The following NCAN variants were observed in gnomAD, a reference collection of about 807,000 sequenced individuals.
The protein encoded by NCAN is neurocan core protein.
Under a neutral mutation model 121.8 loss-of-function variants are expected in NCAN, and 47 were observed. The observed-to-expected ratio is 0.39, with a 90% confidence interval of 0.31 to 0.49. The LOEUF is 0.49. NCAN is among the 20% of genes least tolerant of loss of function. The pLI, the probability that NCAN is intolerant of heterozygous loss-of-function variation, is 0.92. For synonymous variants in NCAN, 633 were observed against 702.0 expected (o/e 0.90, Z 1.55); for missense variants, 1,517 against 1,773.4 (o/e 0.86, Z 2.60).
Position 19,249,937 on chromosome 19 carries a change from A to C in NCAN, c.*26A>C. ...AGAACCAGAAAAAAGAAAGCACAAC[A>C]CCTTTCCCATGCCTCCTCTGGAGCC... is the stretch of plus-strand genomic sequence containing the variant. On this transcript the variant is annotated 3_prime_UTR_variant, in exon 15 of 15. Coordinates refer to ENST00000252575, the MANE Select transcript of NCAN (RefSeq NM_004386.3). 1 of 1,598,182 alleles carries C rather than the reference A, an allele frequency of 6.3e-7. No homozygotes were observed. Among genetic ancestry groups the C allele is most frequent in the Non-Finnish European group, 8.5e-7 (1 of 1,171,666 alleles).
rs1446926917 is a variant in NCAN, at chr19:19,225,155, G to A, written c.957G>A (p.Gln319=). 15 of 1,530,898 alleles carry A rather than the reference G, an allele frequency of 9.8e-6. No individual in the cohort carries two copies. The Admixed American group carries it at 2.8e-4, about 29-fold the overall frequency. The allele number at this position is 1,530,898 out of a possible 1,614,324, so 94.8% of individuals were successfully genotyped here. A position where few individuals can be genotyped will look rare whatever the true frequency, so the allele number is the denominator to read the frequency against. Residue 319 remains glutamine (Q), a synonymous_variant, in exon 6 of 15, where the codon CAG becomes CAA. Transcript: ENST00000252575. This position sits in a 1 kb window ranked among gnomAD's most constrained non-coding sequence, Gnocchi z 4.0. Reference sequence around the variant, plus strand: ...ACGGCAGCGTGCGCTACCCGATCCAGACGCCGCGCCGGCGCTGCGGGGGCC... The same window carrying A: ...ACGGCAGCGTGCGCTACCCGATCCAAACGCCGCGCCGGCGCTGCGGGGGCC... ...LADGSVRYPI[Q]TPRRRCGGPA... is the part of the protein sequence containing the mutation.
Position 19,226,626 on chromosome 19 carries a change from C to CA in NCAN, c.1214dup (p.Glu406GlyfsTer51). On this transcript the variant is annotated frameshift_variant, in exon 7 of 15. Transcript: ENST00000252575. LOFTEE classifies it high-confidence loss of function. ...GGAAGAGGTGGTCACCCCTGACTTC[C>CA]AGGAGCCTCTGGTGTCCAGTGGGGA... is the stretch of plus-strand genomic sequence containing the variant. The CA allele has an allele frequency of 6.2e-7, 1 of 1,613,920 alleles. No homozygotes were observed. Among genetic ancestry groups the CA allele is most frequent in the African/African-American group, 1.3e-5 (1 of 75,032 alleles).
chr19:19,224,292 C>G lies in NCAN; in HGVS notation c.651-14C>G, dbSNP rs1275115743. On this transcript the variant is annotated splice_polypyrimidine_tract_variant and intron_variant, in intron 4 of 14. Transcript: ENST00000252575. ...AGCACACATCTGAGAGGGACCCTCC[C>G]CTTGTGTTGTCAGGTATCCTATCAC... 1.9e-6 allele frequency: 3 copies of G among 1,610,638 alleles called. No homozygotes were observed. Among genetic ancestry groups the G allele is most frequent in the Non-Finnish European group, 1.7e-6 (2 of 1,177,360 alleles).
In NCAN at chr19:19,249,931, C is replaced by T. The variant is rs1568605118; in HGVS notation, c.*20C>T. 2.5e-6 allele frequency: 4 copies of T among 1,605,786 alleles called. No individual in the cohort carries two copies. The highest frequency in any genetic ancestry group is 2.2e-5 in the South Asian group (2 of 90,054). On this transcript the variant is annotated 3_prime_UTR_variant, in exon 15 of 15. Coordinates refer to ENST00000252575, the MANE Select transcript of NCAN (RefSeq NM_004386.3). Reference sequence around the variant, plus strand: ...TGCTGAAGAACCAGAAAAAAGAAAGCACAACACCTTTCCCATGCCTCCTCT... The same window carrying T: ...TGCTGAAGAACCAGAAAAAAGAAAGTACAACACCTTTCCCATGCCTCCTCT...
chr19:19,217,958 GC>G (rs1405597717), intron 2 of NCAN, among the ~76,000 whole-genome samples: 1 of 152,054 alleles, frequency 6.6e-6, no homozygotes, highest in Non-Finnish European at 1.5e-5. Flanking sequence ...CTCCACTCCA[GC>G]CTGGGTGACA....
chr19:19,248,539 C>T (rs968085159), intron 13 of NCAN, among the ~76,000 whole-genome samples, 161 bp from the exon 14 acceptor site: 12 of 152,130 alleles, frequency 7.9e-5, no homozygotes, highest in African/African-American at 2.9e-4. Flanking sequence ...GCAGGAGAAT[C>T]GCTTGAACCA....
chr19:19,220,801 A>G (rs545983635), intron 3 of NCAN, among the ~76,000 whole-genome samples: 4 of 152,206 alleles, frequency 2.6e-5, no homozygotes, highest in East Asian at 3.9e-4. Context: ...TGCGTGTGGT[A>G]GTGCACACCT....
At chr19:19,232,343 GTC>G (rs2146547416) in intron 8 of NCAN, among the ~76,000 whole-genome samples, 1 of 152,368 alleles carries the variant, frequency 6.6e-6, no homozygotes, top group South Asian at 2.1e-4. Flanking sequence ...GAGTGACTGA[GTC>G]ACCGCCAGTC....
chr19:19,220,447 A>ATTTTTTTTTTTTTTTTTTTTT (rs1343151998), intron 3 of NCAN, among the ~76,000 whole-genome samples: 1 of 108,730 alleles, frequency 9.2e-6, no homozygotes, highest in Non-Finnish European at 1.9e-5. Context: ...TGTTTAGGCA[A>ATTTTTTTTTTTTTTTTTTTTT]TTCTTTTTTT....
Position 19,235,014 on chromosome 19 carries a change from G to A in NCAN, c.3168G>A (p.Glu1056=), listed in dbSNP as rs749481163. ...ATGACTGCCTCTGCAGCCCCTGTGA[G>A]AATGGAGGCACCTGTATTGATGAGG... ...DIDDCLCSPC[E]NGGTCIDEVN... is the part of the protein sequence containing the mutation. The change falls in exon 10 of 15, where the codon GAG becomes GAA. Residue 1056 remains glutamate, a synonymous_variant. Coordinates refer to ENST00000252575, the MANE Select transcript of NCAN (RefSeq NM_004386.3). 1.2e-6 allele frequency: 2 copies of A among 1,612,174 alleles called. No individual in the cohort carries two copies. Among genetic ancestry groups the A allele is most frequent in the Non-Finnish European group, 1.7e-6 (2 of 1,178,628 alleles).
At chr19:19,249,053 G>T (rs2060936666) in intron 14 of NCAN, 171 bp downstream of exon 14, 1 of 402,346 alleles carries the variant, frequency 2.5e-6, no homozygotes, top group Non-Finnish European at 4.2e-6. Context: ...ATTTGTGTGT[G>T]TGTGTGTGTG....
chr19:19,213,156 G>T (rs1185533706), intron 1 of NCAN, among the ~76,000 whole-genome samples: 1 of 152,150 alleles, frequency 6.6e-6, no homozygotes, highest in Admixed American at 6.5e-5. Context: ...GCAGGAAGGG[G>T]TGGGTGCACT....
intron 8 of NCAN, among the ~76,000 whole-genome samples, chr19:19,233,197 G>A (rs1439927320): frequency 3.3e-5 from 5 of 152,062 alleles, no homozygotes; most frequent in Non-Finnish European, 5.9e-5. Context: ...GCCTCCCAAA[G>A]TGCTAGGATT....
At position 19,245,306 on chromosome 19, in the gene NCAN, C is replaced by T; in HGVS notation, c.3493-7C>T. ...CCTGAACAACTCCCTGCCCCCTATT[C>T]CTGCAGCAATTTGAGAACTGGCGAG... On this transcript the variant is annotated splice_polypyrimidine_tract_variant and splice_region_variant and intron_variant, in intron 12 of 14. Coordinates refer to ENST00000252575, the MANE Select transcript of NCAN (RefSeq NM_004386.3). 6.2e-7 allele frequency: 1 copy of T among 1,613,808 alleles called. No homozygotes were observed. Among genetic ancestry groups the T allele is most frequent in the East Asian group, 2.2e-5 (1 of 44,874 alleles).
In NCAN at chr19:19,216,937, T is replaced by C; in HGVS notation, c.-7-10T>C. ...GGCTCACCCCTCCCTCCCTCTCCATTTTGTTCCAGATCCAGGATGGGGGCC... is the reference window on the plus strand; with the variant it reads ...GGCTCACCCCTCCCTCCCTCTCCATCTTGTTCCAGATCCAGGATGGGGGCC... On this transcript the variant is annotated splice_polypyrimidine_tract_variant and intron_variant, in intron 1 of 14. Transcript: ENST00000252575. 1 of 1,310,220 alleles carries C rather than the reference T, an allele frequency of 7.6e-7. No homozygotes were observed. The highest frequency in any genetic ancestry group is 9.8e-7 in the Non-Finnish European group (1 of 1,019,674). The allele number at this position is 1,310,220 out of a possible 1,614,324, so 81.2% of individuals were successfully genotyped here.
intron 13 of NCAN, among the ~76,000 whole-genome samples, chr19:19,247,724 T>C (rs545335988): frequency 6.6e-6 from 1 of 152,278 alleles, no homozygotes; most frequent in Non-Finnish European, 1.5e-5. Flanking sequence ...TTGCCGTCTG[T>C]CTCCTTCATT....
chr19:19,249,682 C>A, intron 14 of NCAN, 84 bp from the exon 15 acceptor site: 1 of 1,518,988 alleles, frequency 6.6e-7, no homozygotes, highest in Non-Finnish European at 8.8e-7. Context: ...CCTCTACTTT[C>A]TCTCCCAAGG....
At chr19:19,238,124 G>A (rs918576572) in intron 10 of NCAN, 129 bp from the exon 11 acceptor site, 4 of 1,175,268 alleles carry the variant, frequency 3.4e-6, no homozygotes, top group Non-Finnish European at 5.0e-6. Context: ...GCCAGGCATG[G>A]GGAGAGGGGT....
Position 19,233,865 on chromosome 19 carries a change from T to C in NCAN, c.3096T>C (p.Cys1032=), listed in dbSNP as rs1472628381. 1 of 1,613,904 alleles carries C rather than the reference T, an allele frequency of 6.2e-7. No individual in the cohort carries two copies. The highest frequency in any genetic ancestry group is 1.3e-5 in the African/African-American group (1 of 74,932). ...ATGCCAATGGCACCATGTATGGCTGTAGCTGTGATCAGGGCTTCGCCGGGG... is the reference window on the plus strand; with the variant it reads ...ATGCCAATGGCACCATGTATGGCTGCAGCTGTGATCAGGGCTTCGCCGGGG... The part of the protein sequence containing the change: ...TCNANGTMYG[C]SCDQGFAGEN... Residue 1032 remains cysteine, a synonymous_variant, in exon 9 of 15, where the codon TGT becomes TGC. Coordinates refer to ENST00000252575, the MANE Select transcript of NCAN (RefSeq NM_004386.3).
Sources: gnomAD v4.1 joint callset for allele counts (sites outside exome capture counted in the v4.1 genomes callset) on GRCh38, gnomAD v4.1.1 for gene constraint, Gnocchi (gnomAD v3.1) non-coding constraint, MANE v1.5 for transcripts, NCBI Gene and HGNC (gene_info 2026-07-23, HGNC 2026-07-21) for gene names.